Variants in CRTC3 observed in about 807,000 individuals in gnomAD.
CRTC3 encodes CREB-regulated transcription coactivator 3.
A neutral mutation model predicts 74.5 loss-of-function variants in CRTC3; 26 were observed. The ratio of observed to expected loss-of-function variants is 0.35; its 90% CI spans 0.26 to 0.48. The LOEUF (loss-of-function observed/expected upper bound fraction) is 0.48, where lower values mean the gene tolerates loss of function less well. CRTC3 is among the 20% of genes least tolerant of loss of function. The pLI, the probability that CRTC3 is intolerant of heterozygous loss-of-function variation, is 0.99. For synonymous variants in CRTC3, 377 were observed against 325.8 expected (o/e 1.16, Z -1.69); for missense variants, 760 against 787.3 (o/e 0.97, Z 0.41).
intron 3 of CRTC3, among the ~76,000 whole-genome samples, chr15:90,601,918 G>T (rs1402456762): frequency 6.6e-6 from 1 of 152,098 alleles, no homozygotes; most frequent in Non-Finnish European, 1.5e-5. Context: ...CACTCTCCTT[G>T]GTTCTGTTTG....
At position 90,642,227 on chromosome 15, in the gene CRTC3, T is replaced by G; in HGVS notation, c.*87T>G. 1 of 1,143,276 alleles carries G rather than the reference T, an allele frequency of 8.7e-7. No individual in the cohort carries two copies. Among genetic ancestry groups the G allele is most frequent in the Non-Finnish European group, 1.3e-6 (1 of 780,122 alleles). 70.8% of individuals were successfully genotyped at this position (1,143,276 alleles called of 1,614,324 possible). A position where few individuals can be genotyped will look rare whatever the true frequency, so the allele number is the denominator to read the frequency against. On this transcript the variant is annotated 3_prime_UTR_variant, in exon 15 of 15. Transcript: ENST00000268184. The stretch of plus-strand genomic sequence containing the variant: ...TGAAGCCAGCTGATACCACGGGCTT[T>G]CGTTATCTTGACATAGAAGGAAGCA...
At chr15:90,624,021 C>G (rs547098166) in intron 9 of CRTC3, among the ~76,000 whole-genome samples, 6 of 152,292 alleles carry the variant, frequency 3.9e-5, no homozygotes, top group Admixed American at 3.9e-4. Flanking sequence ...GGGCTTCCCT[C>G]CACATGGCCT....
In CRTC3 at chr15:90,641,976, G is replaced by T. The variant is rs1161818398; in HGVS notation, c.1696G>T (p.Ala566Ser). 1 of 1,613,806 alleles carries T rather than the reference G, an allele frequency of 6.2e-7. No homozygotes were observed. Among genetic ancestry groups the T allele is most frequent in the East Asian group, 2.2e-5 (1 of 44,880 alleles). Residue 566 changes from alanine (A) to serine (S), a missense_variant, in exon 15 of 15, where the codon GCA (alanine) becomes TCA (serine). By Grantham distance (99) the Ala-to-Ser change is moderately conservative. Coordinates refer to ENST00000268184, the MANE Select transcript of CRTC3 (RefSeq NM_022769.5). ...SLFKDLNSALAGLPEVSLNVD... is the reference protein window; with the variant it reads ...SLFKDLNSALSGLPEVSLNVD... ...GTTCAAAGACCTCAACAGTGCGCTG[G>T]CAGGCCTGCCTGAGGTCAGCCTGAA... is the stretch of plus-strand genomic sequence containing the variant.
Position 90,642,086 on chromosome 15 carries a change from C to T in CRTC3, c.1806C>T (p.Ser602=). The change falls in exon 15 of 15, where the codon AGC becomes AGT. Residue 602 remains serine, a synonymous_variant. Coordinates refer to ENST00000268184, the MANE Select transcript of CRTC3 (RefSeq NM_022769.5). ...LDGLNMLSDS[S]MGLLDPSVEE... is the part of the protein sequence containing the mutation. ...GACTCAACATGTTAAGTGACTCCAG[C>T]ATGGGCCTGCTGGACCCCTCTGTTG... is the stretch of plus-strand genomic sequence containing the variant. 3.7e-6 allele frequency: 6 copies of T among 1,614,042 alleles called. No homozygotes were observed. In the South Asian group the frequency reaches 6.6e-5, roughly 18 times the overall value.
intron 2 of CRTC3, among the ~76,000 whole-genome samples, chr15:90,585,716 C>G (rs76756798): frequency 0.018 from 2,810 of 152,266 alleles, 91 homozygotes; most frequent in African/African-American, 0.064. Flanking sequence ...CTCCCTCTTG[C>G]TTTTACTTGT....
At chr15:90,568,071 A>G (rs1214394425) in intron 2 of CRTC3, among the ~76,000 whole-genome samples, 2 of 152,208 alleles carry the variant, frequency 1.3e-5, no homozygotes, top group South Asian at 2.1e-4. Context: ...CTATTGGATG[A>G]CTTTGAGGGG....
In CRTC3 at chr15:90,607,300, G is replaced by A. The variant is rs534974966; in HGVS notation, c.477-78G>A. ...AGTTATTCTTGCCTTCTTTCCTGTT[G>A]GTAATATTCAACAAAGACTATTGCA... is the stretch of plus-strand genomic sequence containing the variant. On this transcript the variant is annotated intron_variant, in intron 5 of 14. Transcript: ENST00000268184. 6.7e-5 allele frequency: 55 copies of A among 822,994 alleles called. No individual in the cohort carries two copies. The South Asian group carries it at 8.2e-4, about 12-fold the overall frequency. The allele number at this position is 822,994 out of a possible 1,614,324, so 51.0% of individuals were successfully genotyped here. A position where few individuals can be genotyped will look rare whatever the true frequency, so the allele number is the denominator to read the frequency against.
At chr15:90,640,684 A>T (rs1969405814) in intron 13 of CRTC3, among the ~76,000 whole-genome samples, 1 of 152,038 alleles carries the variant, frequency 6.6e-6, no homozygotes, top group African/African-American at 2.4e-5. Context: ...TCTTTAAAAA[A>T]AAAAAGAAGA....
chr15:90,622,209 C>T lies in CRTC3; in HGVS notation c.749+2419C>T, dbSNP rs561586081. ...TGGGAGTCGTTAGAGGGTCTTGAAC[C>T]GGGGGGCGCATTACTTTCCTTAGAT... On this transcript the variant is annotated intron_variant, in intron 9 of 14. Coordinates refer to ENST00000268184, the MANE Select transcript of CRTC3 (RefSeq NM_022769.5). Among the ~76,000 whole-genome samples the T allele has an allele frequency of 2.4e-4, 37 of 152,130 alleles. No homozygotes were observed. In the East Asian group the frequency reaches 3.3e-3, roughly 13 times the overall value.
At chr15:90,541,715 TATG>T (rs1966804041) in intron 2 of CRTC3, among the ~76,000 whole-genome samples, 1 of 151,964 alleles carries the variant, frequency 6.6e-6, no homozygotes, top group African/African-American at 2.4e-5. Flanking sequence ...TAGAATTTAC[TATG>T]ATGTTCCCCT....
chr15:90,622,517 T>C (rs1258635601), intron 9 of CRTC3, among the ~76,000 whole-genome samples: 5 of 152,144 alleles, frequency 3.3e-5, no homozygotes, highest in Non-Finnish European at 7.4e-5. Flanking sequence ...TAGTCCTTGA[T>C]CTTTAACCCT....
chr15:90,581,996 C>T (rs1172900779), intron 2 of CRTC3, among the ~76,000 whole-genome samples: 1 of 152,164 alleles, frequency 6.6e-6, no homozygotes, highest in Non-Finnish European at 1.5e-5. Context: ...ACCCTTGTGG[C>T]CTCCAAGGGT....
intron 2 of CRTC3, among the ~76,000 whole-genome samples, chr15:90,545,801 A>T (rs1036140207): frequency 6.6e-6 from 1 of 151,640 alleles, no homozygotes; most frequent in African/African-American, 2.4e-5. Context: ...GATGGTCTCC[A>T]TCTCCTGACT....
At chr15:90,548,885 A>G (rs893455536) in intron 2 of CRTC3, among the ~76,000 whole-genome samples, 1 of 152,254 alleles carries the variant, frequency 6.6e-6, no homozygotes, top group Admixed American at 6.5e-5. Context: ...AATAAAGATA[A>G]TAAAGAGTTA....
chr15:90,533,324 G>C (rs1254541925), intron 1 of CRTC3, among the ~76,000 whole-genome samples: 1 of 151,290 alleles, frequency 6.6e-6, no homozygotes, highest in Non-Finnish European at 1.5e-5. Context: ...GGGAGGCTGC[G>C]GCAGGAGAAT....
intron 10 of CRTC3, among the ~76,000 whole-genome samples, chr15:90,626,768 T>A (rs1596138588): frequency 6.6e-6 from 1 of 152,308 alleles, no homozygotes; most frequent in East Asian, 1.9e-4. Flanking sequence ...TGTGCCACGA[T>A]GCCGAGCTAA....
At position 90,642,166 on chromosome 15, in the gene CRTC3, G is replaced by A. The variant is rs779831248; in HGVS notation, c.*26G>A. 2.9e-5 allele frequency: 46 copies of A among 1,598,304 alleles called. No individual in the cohort carries two copies. In the Middle Eastern group the frequency reaches 8.2e-4, roughly 29 times the overall value. ...ACAGAAGGCAGTGGAACAGAAGAAT[G>A]TTTTTCTGCAACAGCCAAAATAGAA... On this transcript the variant is annotated 3_prime_UTR_variant, in exon 15 of 15. Coordinates refer to ENST00000268184, the MANE Select transcript of CRTC3 (RefSeq NM_022769.5).
intron 2 of CRTC3, among the ~76,000 whole-genome samples, chr15:90,565,086 A>G (rs8026634): frequency 0.98 from 149,823 of 152,330 alleles, 73,854 homozygotes; most frequent in Middle Eastern, 1. Context: ...GGGATTACAG[A>G]CATGCGTGAC....
intron 2 of CRTC3, among the ~76,000 whole-genome samples, chr15:90,589,560 G>A (rs910092274): frequency 1.3e-5 from 2 of 152,070 alleles, no homozygotes; most frequent in African/African-American, 4.8e-5. Flanking sequence ...GTCTCACACT[G>A]TGTTGTCCAG....
Sources: gnomAD v4.1 joint callset for allele counts (sites outside exome capture counted in the v4.1 genomes callset) on GRCh38, gnomAD v4.1.1 for gene constraint, MANE v1.5 for transcripts, NCBI Gene and HGNC (gene_info 2026-07-23, HGNC 2026-07-21) for gene names.